The following GRID2 variants were observed in gnomAD, a reference collection of about 807,000 sequenced individuals.
GRID2 encodes the protein glutamate ionotropic receptor delta type subunit 2.
Under a neutral mutation model 114.8 loss-of-function variants are expected in GRID2, and 33 were observed. The observed-to-expected ratio is 0.29, with a 90% CI of 0.22 to 0.38. The LOEUF is 0.38. GRID2 is among the 10% of genes least tolerant of loss of function. The pLI is 1.00. For missense variants in GRID2, 1,184 were observed against 1,257.7 expected, an observed-to-expected ratio of 0.94 and a Z score of 0.89; for synonymous variants, 505 against 449.9, an observed-to-expected ratio of 1.12 and a Z score of -1.55.
intron 8 of GRID2, among the ~76,000 whole-genome samples, chr4:93,353,499 A>T (rs1455251697): frequency 1.3e-5 from 2 of 152,082 alleles, no homozygotes; most frequent in Non-Finnish European, 2.9e-5. Flanking sequence ...TGGACTTCAG[A>T]CCACACAATC....
At chr4:92,867,041 G>T in intron 2 of GRID2, among the ~76,000 whole-genome samples, 1 of 152,068 alleles carries the variant, frequency 6.6e-6, no homozygotes, top group South Asian at 2.1e-4. Flanking sequence ...CTTTTTGATG[G>T]CTTAGTAGTT....
At chr4:92,405,391 T>A (rs1312643378) in intron 1 of GRID2, among the ~76,000 whole-genome samples, 2 of 152,164 alleles carry the variant, frequency 1.3e-5, no homozygotes, top group East Asian at 3.9e-4. Flanking sequence ...TGACATTCTA[T>A]TAGCGGGGAC....
chr4:93,677,479 A>G (rs1298940785), intron 14 of GRID2, among the ~76,000 whole-genome samples: 2 of 152,170 alleles, frequency 1.3e-5, no homozygotes, highest in Admixed American at 1.3e-4. Flanking sequence ...CTGCCTCCTC[A>G]AGTGGGTCCC....
chr4:93,013,302 T>C (rs532933758), intron 2 of GRID2, among the ~76,000 whole-genome samples: 1 of 152,148 alleles, frequency 6.6e-6, no homozygotes, highest in South Asian at 2.1e-4. Context: ...TGGTTGAGTT[T>C]TTTTAATCTG....
In GRID2 at chr4:93,515,276, G is replaced by A. The variant is rs754576771; in HGVS notation, c.2058G>A (p.Ala686=). 182 of 1,610,332 alleles carry A rather than the reference G, an allele frequency of 1.1e-4. No homozygotes were observed. The highest frequency in any genetic ancestry group is 1.3e-4 in the Non-Finnish European group (150 of 1,177,050). ...EIPYGTVLDS[A]VYEHVRMKGL... The stretch of plus-strand genomic sequence containing the variant: ...CTTATGGCACAGTCCTAGACTCTGC[G>A]GTATATGAGCATGTCCGCATGAAAG... The change falls in exon 13 of 16, where the codon GCG becomes GCA. Residue 686 remains alanine (A), a synonymous_variant. Coordinates refer to ENST00000282020, the MANE Select transcript of GRID2 (RefSeq NM_001510.4).
chr4:92,337,595 G>A (rs1727253949), intron 1 of GRID2, among the ~76,000 whole-genome samples: 2 of 152,176 alleles, frequency 1.3e-5, no homozygotes, highest in Non-Finnish European at 2.9e-5. Context: ...CAAGGCTGCT[G>A]GAGAGAGAAG....
intron 1 of GRID2, among the ~76,000 whole-genome samples, chr4:92,341,896 C>CAG (rs1727511830): frequency 7.0e-6 from 1 of 142,074 alleles, no homozygotes. Flanking sequence ...GCCTGGGCGA[C>CAG]AGCGAGACTC....
At chr4:92,887,175 A>G (rs766333368) in intron 2 of GRID2, among the ~76,000 whole-genome samples, 1 of 152,092 alleles carries the variant, frequency 6.6e-6, no homozygotes, top group Non-Finnish European at 1.5e-5. Flanking sequence ...CTGGAGGTCT[A>G]CACTCTCCTG....
chr4:92,560,856 G>A lies in GRID2; in HGVS notation c.89-29275G>A, dbSNP rs1280829126. ...CAAGTGGCTGGGATTACAGGTGCCC[G>A]CCACCATGCCCAGCTAATTTTTTGT... is the stretch of plus-strand genomic sequence containing the variant. On this transcript the variant is annotated intron_variant, in intron 1 of 15. Transcript: ENST00000282020. 3.9e-5 allele frequency among the ~76,000 whole-genome samples: 6 copies of A among 152,060 alleles called. No individual in the cohort carries two copies. The East Asian group carries it at 7.8e-4, about 20-fold the overall frequency.
At chr4:92,381,188 G>A (rs1318679665) in intron 1 of GRID2, among the ~76,000 whole-genome samples, 1 of 149,498 alleles carries the variant, frequency 6.7e-6, no homozygotes, top group East Asian at 2.0e-4. Context: ...ATGTGTAGAT[G>A]AGAAAACAGA....
chr4:93,750,127 AG>A (rs1233903046), intron 14 of GRID2, among the ~76,000 whole-genome samples: 1 of 152,254 alleles, frequency 6.6e-6, no homozygotes, highest in African/African-American at 2.4e-5. Flanking sequence ...TTGGTGCTAC[AG>A]AACACACAAA....
chr4:92,685,690 T>C (rs572975008), intron 2 of GRID2, among the ~76,000 whole-genome samples: 1 of 152,154 alleles, frequency 6.6e-6, no homozygotes, highest in South Asian at 2.1e-4. Context: ...CATATAATTT[T>C]AATATCCAAG....
intron 2 of GRID2, among the ~76,000 whole-genome samples, chr4:92,702,109 A>G (rs538930088): frequency 3.9e-5 from 6 of 152,278 alleles, no homozygotes; most frequent in African/African-American, 4.8e-5. Context: ...ATCTGAGTTC[A>G]GACCGGAGCA....
At chr4:92,931,714 G>T (rs932258856) in intron 2 of GRID2, among the ~76,000 whole-genome samples, 4 of 150,252 alleles carry the variant, frequency 2.7e-5, no homozygotes, top group Non-Finnish European at 3.0e-5. Flanking sequence ...TACTTAATAT[G>T]ATTTGATTAT....
At chr4:92,449,909 C>A (rs912867520) in intron 1 of GRID2, among the ~76,000 whole-genome samples, 1 of 151,492 alleles carries the variant, frequency 6.6e-6, no homozygotes. Flanking sequence ...TCAAAGCTGG[C>A]TTTGAATTTC....
intron 2 of GRID2, among the ~76,000 whole-genome samples, chr4:92,815,651 A>T (rs111308197): frequency 2.6e-5 from 4 of 151,928 alleles, no homozygotes; most frequent in Non-Finnish European, 5.9e-5. Context: ...AGTGGCTCAT[A>T]CCTGTAATCT....
chr4:93,181,567 T>C (rs1348682086), intron 4 of GRID2, among the ~76,000 whole-genome samples: 1 of 152,180 alleles, frequency 6.6e-6, no homozygotes, highest in Non-Finnish European at 1.5e-5. Context: ...TAAATGAAAA[T>C]TTGTTTAATG....
At chr4:92,688,096 C>T (rs1734009551) in intron 2 of GRID2, among the ~76,000 whole-genome samples, 2 of 119,006 alleles carry the variant, frequency 1.7e-5, no homozygotes, top group Non-Finnish European at 3.2e-5. Flanking sequence ...GTTGCCCAGG[C>T]TGGAGCACAG....
At chr4:93,179,593 G>A (rs1739690139) in intron 4 of GRID2, among the ~76,000 whole-genome samples, 1 of 152,126 alleles carries the variant, frequency 6.6e-6, no homozygotes, top group Admixed American at 6.6e-5. Context: ...GTTCCATTAA[G>A]TGTTTACAAT....
Sources: gnomAD v4.1 joint callset for allele counts (sites outside exome capture counted in the v4.1 genomes callset) on GRCh38, gnomAD v4.1.1 for gene constraint, MANE v1.5 for transcripts, NCBI Gene and HGNC (gene_info 2026-07-23, HGNC 2026-07-21) for gene names.